The following UBE4A variants were observed in gnomAD, a reference collection of about 807,000 sequenced individuals.
UBE4A encodes ubiquitin conjugation factor E4 A.
Under a neutral mutation model 117.9 loss-of-function variants are expected in UBE4A, and 48 were observed. The observed-to-expected ratio is 0.41, with a 90% CI of 0.32 to 0.52. The LOEUF (loss-of-function observed/expected upper bound fraction) is 0.52. Ranked by LOEUF, UBE4A falls within the 20% of genes least tolerant of loss-of-function variation. UBE4A has a pLI of 0.33. For missense variants in UBE4A, 1,067 were observed against 1,296.3 expected (o/e 0.82, Z 2.72); for synonymous variants, 407 against 450.0 (o/e 0.90, Z 1.21).
chr11:118,385,961 A>T (rs1423781849), intron 15 of UBE4A, among the ~76,000 whole-genome samples: 1 of 152,188 alleles, frequency 6.6e-6, no homozygotes, highest in African/African-American at 2.4e-5. Context: ...AACAGGAAGG[A>T]TGACGTGAGG....
rs782316189 is a variant in UBE4A, at chr11:118,379,448, T to C, written c.1574T>C (p.Leu525Ser). ...CTCTTCTGCTTTCTTGGGGGCAGGT[T>C]GCATGATCAGATGGTAAAAATCAAC... ...EYTLYLGFHR[L>S]HDQMVKINQN... Residue 525 changes from leucine (L) to serine (S), a missense_variant and splice_region_variant, in exon 11 of 20, where the codon TTG becomes TCG. Physicochemically the swap from Leu to Ser is moderately radical, Grantham distance 145 (BLOSUM62 -2). Transcript: ENST00000252108. 1 of 1,611,276 alleles carries C rather than the reference T, an allele frequency of 6.2e-7. No individual in the cohort carries two copies. Among genetic ancestry groups the C allele is most frequent in the Non-Finnish European group, 8.5e-7 (1 of 1,178,042 alleles).
chr11:118,395,221 C>T (rs553179940), intron 19 of UBE4A, among the ~76,000 whole-genome samples: 7 of 150,892 alleles, frequency 4.6e-5, no homozygotes, highest in Admixed American at 2.6e-4. Context: ...CCCAGCTACT[C>T]GGGAGGCTGA....
At chr11:118,385,681 T>C (rs1948750270) in intron 15 of UBE4A, among the ~76,000 whole-genome samples, 1 of 152,174 alleles carries the variant, frequency 6.6e-6, no homozygotes, top group Admixed American at 6.5e-5. Context: ...TAAAGGGAGA[T>C]GAAGCAGGTA....
In UBE4A at chr11:118,384,624, C is replaced by T. The variant is rs879954906; in HGVS notation, c.2198-11C>T. 2 of 1,612,766 alleles carry T rather than the reference C, an allele frequency of 1.2e-6. No individual in the cohort carries two copies. The highest frequency in any genetic ancestry group is 4.5e-5 in the East Asian group (2 of 44,868). On this transcript the variant is annotated splice_polypyrimidine_tract_variant and intron_variant, in intron 13 of 19. Coordinates refer to ENST00000252108, the MANE Select transcript of UBE4A (RefSeq NM_001204077.2). ...CGCCTTTGCTGATATTTCGCTCTTG[C>T]CTTACTCCAGGAGACCCCCATCAAT...
rs544439250 is a variant in UBE4A, at chr11:118,373,042, A to C, written c.722-44A>C. 14 of 1,582,394 alleles carry C rather than the reference A, an allele frequency of 8.8e-6. No individual in the cohort carries two copies. In the African/African-American group the frequency reaches 9.5e-5, roughly 11 times the overall value. ...AAGAGCTAGTGTGTAAAGGCATATAAAAATTCTTGTGCCCTCCTTTCTCTC... is the reference window on the plus strand; with the variant it reads ...AAGAGCTAGTGTGTAAAGGCATATACAAATTCTTGTGCCCTCCTTTCTCTC... On this transcript the variant is annotated intron_variant, in intron 6 of 19. Transcript: ENST00000252108.
chr11:118,377,567 A>G (rs935148490), intron 10 of UBE4A, among the ~76,000 whole-genome samples: 1 of 151,852 alleles, frequency 6.6e-6, no homozygotes, highest in Non-Finnish European at 1.5e-5. Context: ...TCCTATTGTG[A>G]TCTGGGAAAG....
Position 118,365,104 on chromosome 11 carries a change from C to A in UBE4A, c.24C>A (p.Asn8Lys). The A allele has an allele frequency of 3.1e-6, 5 of 1,614,014 alleles. No individual in the cohort carries two copies. Among genetic ancestry groups the A allele is most frequent in the Non-Finnish European group, 4.2e-6 (5 of 1,179,962 alleles). Residue 8 changes from asparagine (N) to lysine (K), a missense_variant, in exon 2 of 20, where the codon AAC (asparagine) becomes AAA (lysine). Around this residue, in one of 3 missense-constraint regions of UBE4A, gnomAD observed 1,001 missense variants for 1,184.0 expected, o/e 0.85. Transcript: ENST00000252108. The part of the protein sequence containing the change: MTDQENN[N>K]NISSNPFAAL... The stretch of plus-strand genomic sequence containing the variant: ...AAATGACAGACCAGGAGAATAACAA[C>A]AACATCTCAAGTAACCCCTTTGCTG...
In UBE4A at chr11:118,373,304, G is replaced by A; in HGVS notation, c.924+16G>A. The A allele has an allele frequency of 6.2e-7, 1 of 1,610,372 alleles. No individual in the cohort carries two copies. The highest frequency in any genetic ancestry group is 8.5e-7 in the Non-Finnish European group (1 of 1,178,880). On this transcript the variant is annotated intron_variant, in intron 7 of 19. Coordinates refer to ENST00000252108, the MANE Select transcript of UBE4A (RefSeq NM_001204077.2). ...TATGGCAAAGGTAGGTCTGAAAGAT[G>A]ATATGTATTCAGTTGAGCTAGATGT...
intron 9 of UBE4A, among the ~76,000 whole-genome samples, chr11:118,376,352 CTA>C (rs1434420718): frequency 2.6e-5 from 4 of 152,158 alleles, no homozygotes; most frequent in African/African-American, 9.7e-5. Context: ...TTGAAACAAT[CTA>C]TAGTAGTATT....
Position 118,384,852 on chromosome 11 carries a change from T to C in UBE4A, c.2319T>C (p.Ser773=). 6.2e-7 allele frequency: 1 copy of C among 1,612,894 alleles called. No individual in the cohort carries two copies. Among genetic ancestry groups the C allele is most frequent in the Non-Finnish European group, 8.5e-7 (1 of 1,179,852 alleles). Residue 773 remains serine (S), a synonymous_variant, in exon 15 of 20, where the codon TCT becomes TCC. Coordinates refer to ENST00000252108, the MANE Select transcript of UBE4A (RefSeq NM_001204077.2). The part of the protein sequence containing the change: ...ESIKDLADYA[S]KNLEAMNPPL... ...TACAGGATTTGGCTGACTATGCCTC[T>C]AAGAATTTAGAAGCCATGAATCCCC...
chr11:118,371,804 G>C (rs1383898272), intron 5 of UBE4A, 138 bp downstream of exon 5: 2 of 885,078 alleles, frequency 2.3e-6, no homozygotes, highest in Non-Finnish European at 3.2e-6. Flanking sequence ...GGACACTAAA[G>C]CTTTTATATC....
In UBE4A at chr11:118,398,511, T is replaced by G. The variant is rs781956196; in HGVS notation, c.*2071T>G. 6 of 152,650 alleles carry G rather than the reference T, an allele frequency of 3.9e-5. No homozygotes were observed. Among genetic ancestry groups the G allele is most frequent in the Admixed American group, 3.9e-4 (6 of 15,284 alleles). The allele number at this position is 152,650 out of a possible 1,614,324, so 9.5% of individuals were successfully genotyped here. On this transcript the variant is annotated 3_prime_UTR_variant, in exon 20 of 20. Coordinates refer to ENST00000252108, the MANE Select transcript of UBE4A (RefSeq NM_001204077.2). The stretch of plus-strand genomic sequence containing the variant: ...CCTTTTTTCTTTCTGTGAAGTAATT[T>G]AAGAATATCCAAAAAAATTAGACTT...
intron 12 of UBE4A, among the ~76,000 whole-genome samples, chr11:118,382,000 T>A (rs1158047076): frequency 6.6e-6 from 1 of 152,210 alleles, no homozygotes; most frequent in African/African-American, 2.4e-5. Flanking sequence ...CTTCCCTGAT[T>A]TTTTTGATGC....
chr11:118,388,282 T>C (rs1280117091), intron 16 of UBE4A, among the ~76,000 whole-genome samples: 1 of 152,156 alleles, frequency 6.6e-6, no homozygotes, highest in African/African-American at 2.4e-5. Flanking sequence ...ACTTGTTAAA[T>C]TTGGCATGTA....
At chr11:118,359,767 T>G (rs1168725911) in intron 1 of UBE4A, 93 bp downstream of exon 1, 2 of 152,400 alleles carry the variant, frequency 1.3e-5, no homozygotes, top group Non-Finnish European at 2.9e-5. Context: ...CTGTTCACTC[T>G]TATCTTCTCC....
At chr11:118,381,294 T>TA (rs1948703207) in intron 11 of UBE4A, 97 bp from the exon 12 acceptor site, 1 of 1,453,032 alleles carries the variant, frequency 6.9e-7, no homozygotes, top group Non-Finnish European at 9.3e-7. Context: ...GGGTTTTTTT[T>TA]AACCTTCATT....
intron 15 of UBE4A, 83 bp from the exon 16 acceptor site, chr11:118,386,355 G>A (rs186451461): frequency 1.4e-6 from 2 of 1,471,794 alleles, no homozygotes; most frequent in African/African-American, 1.5e-5. Flanking sequence ...TAGTTGACTG[G>A]ATTTTGAATA....
chr11:118,363,389 A>C lies in UBE4A; in HGVS notation c.-41-1651A>C, dbSNP rs1011196372. Among the ~76,000 whole-genome samples, 4 of 152,222 alleles carry C rather than the reference A, an allele frequency of 2.6e-5. No homozygotes were observed. The East Asian group carries it at 7.7e-4, about 29-fold the overall frequency. On this transcript the variant is annotated intron_variant, in intron 1 of 19. Coordinates refer to ENST00000252108, the MANE Select transcript of UBE4A (RefSeq NM_001204077.2). ...ATACCCCGTCTCTACTAAAAATCCA[A>C]ATAACAGTTCAATTCCTTGAAGCAG...
chr11:118,379,890 T>C, intron 11 of UBE4A, 140 bp downstream of exon 11: 7 of 1,017,812 alleles, frequency 6.9e-6, no homozygotes, highest in Non-Finnish European at 9.8e-6. Flanking sequence ...ACTTAGATAA[T>C]ATCTACTGGT....
Sources: gnomAD v4.1 joint callset for allele counts (sites outside exome capture counted in the v4.1 genomes callset) on GRCh38, gnomAD v4.1.1 for gene constraint, gnomAD v4.1.1 regional missense constraint, MANE v1.5 for transcripts, NCBI Gene and HGNC (gene_info 2026-07-23, HGNC 2026-07-21) for gene names.